Variants in BAG6 observed in about 807,000 individuals in gnomAD.
BAG6 encodes the protein BAG cochaperone 6.
A neutral mutation model predicts 121.0 loss-of-function variants in BAG6; 22 were observed. The ratio of observed to expected loss-of-function variants is 0.18; its 90% CI spans 0.13 to 0.26. The LOEUF is 0.26. BAG6 is among the 10% of genes least tolerant of loss of function. The probability of loss-of-function intolerance (pLI) is 1.00; values close to 1 mark genes in which losing one functional copy is unlikely to be tolerated. For missense variants in BAG6, 1,233 were observed against 1,537.7 expected (o/e 0.80, Z 3.31); for synonymous variants, 583 against 584.6 (o/e 1.00, Z 0.04).
chr6:31,643,987 G>A lies in BAG6; in HGVS notation c.1669-10C>T, dbSNP rs770884915. The A allele has an allele frequency of 6.2e-7, 1 of 1,614,052 alleles. No homozygotes were observed. Among genetic ancestry groups the A allele is most frequent in the Middle Eastern group, 1.6e-4 (1 of 6,062 alleles). ...CCAGACCGGCGCCCTGCTGGATAGA[G>A]AGCAAGGGAGAATTTCAGACCTGCC... On this transcript the variant is annotated splice_polypyrimidine_tract_variant and intron_variant, in intron 13 of 25. Coordinates refer to ENST00000676615, the MANE Select transcript of BAG6 (RefSeq NM_001387994.1).
At position 31,641,705 on chromosome 6, in the gene BAG6, G is replaced by A; in HGVS notation, c.2505+71C>T. The A allele has an allele frequency of 6.2e-7, 1 of 1,611,378 alleles. No individual in the cohort carries two copies. The highest frequency in any genetic ancestry group is 8.5e-7 in the Non-Finnish European group (1 of 1,177,716). On this transcript the variant is annotated intron_variant, in intron 17 of 25. Transcript: ENST00000676615. The surrounding 1 kb of genome is among the most constrained non-coding windows in gnomAD (Gnocchi z 5.7). ...GGGGCAATTGGAGCTTTACCTGGCA[G>A]AGAAGCAGTCAGAAATAAGGAATAA...
rs749706048 is a variant in BAG6 at position 31,645,466 on chromosome 6, G to T, written c.1057C>A (p.Arg353=). The part of the protein sequence containing the change: ...CTPPRHLHVV[R]PMSHYTTPMV... ...GGGGTGGTGTAGTGAGACATAGGCC[G>T]GACCACATGCAGGTGTCGTGGGGGC... Residue 353 remains arginine (R), a synonymous_variant, in exon 9 of 26, where the codon CGG becomes AGG. Coordinates refer to ENST00000676615, the MANE Select transcript of BAG6 (RefSeq NM_001387994.1). 6.2e-6 allele frequency: 10 copies of T among 1,613,060 alleles called. No individual in the cohort carries two copies. The highest frequency in any genetic ancestry group is 8.5e-6 in the Non-Finnish European group (10 of 1,180,030).
intron 15 of BAG6, 151 bp from the exon 16 acceptor site, chr6:31,642,554 G>C: frequency 4.8e-6 from 3 of 630,212 alleles, no homozygotes; most frequent in Non-Finnish European, 5.5e-6. Context: ...AAGTATGGTA[G>C]GTATTTAACA....
At chr6:31,649,778 TTAAAC>T (rs1794297748) in intron 2 of BAG6, 151 bp from the exon 3 acceptor site, 4 of 699,630 alleles carry the variant, frequency 5.7e-6, no homozygotes, top group Non-Finnish European at 9.8e-6. Flanking sequence ...GTGCAAACCC[TTAAAC>T]TAAAGTAACA....
intron 2 of BAG6, among the ~76,000 whole-genome samples, chr6:31,650,103 A>G (rs1407770588): frequency 6.6e-6 from 1 of 152,158 alleles, no homozygotes; most frequent in Non-Finnish European, 1.5e-5. Context: ...TCCATCTCAA[A>G]AAATTAAATA....
At chr6:31,642,786 C>CG in intron 15 of BAG6, 43 bp downstream of exon 15, 1 of 1,597,904 alleles carries the variant, frequency 6.3e-7, no homozygotes, top group Non-Finnish European at 8.5e-7. Context: ...CTGGCTGGGC[C>CG]GGGGGACAGG....
chr6:31,643,721 C>CAAAAAAAAAAAAAAAAAA (rs9281540), intron 14 of BAG6, among the ~76,000 whole-genome samples, 169 bp downstream of exon 14: 9 of 66,286 alleles, frequency 1.4e-4, no homozygotes, highest in African/African-American at 2.1e-4. Context: ...GACTCCATCT[C>CAAAAAAAAAAAAAAAAAA]AAAAAAAAAA....
chr6:31,652,262 C>CCGCG (rs1418362328), intron 1 of BAG6, 162 bp downstream of exon 1: 1 of 162,174 alleles, frequency 6.2e-6, no homozygotes, highest in Non-Finnish European at 1.4e-5. Context: ...AGCTGACTGC[C>CCGCG]CGCGTCTACT....
At chr6:31,650,840 A>C (rs1795800955) in intron 2 of BAG6, among the ~76,000 whole-genome samples, 1 of 152,184 alleles carries the variant, frequency 6.6e-6, no homozygotes. Context: ...TTTGTCTCCA[A>C]GTATTACAGG....
chr6:31,644,968 G>A lies in BAG6; in HGVS notation c.1347C>T (p.Val449=). The change falls in exon 10 of 26, where the codon GTC becomes GTT. Residue 449 remains valine, a synonymous_variant. Transcript: ENST00000676615. This position sits in a 1 kb window ranked among gnomAD's most constrained non-coding sequence, Gnocchi z 4.9. ...RISHQSVEPV[V]MMHMNIQDSG... Reference sequence around the variant, plus strand: ...CACCTTGAATGTTCATGTGCATCATGACCACGGGTTCCACACTCTGGTGGG... The same window carrying A: ...CACCTTGAATGTTCATGTGCATCATAACCACGGGTTCCACACTCTGGTGGG... The A allele has an allele frequency of 6.3e-7, 1 of 1,594,128 alleles. No homozygotes were observed. The highest frequency in any genetic ancestry group is 1.3e-5 in the African/African-American group (1 of 74,556).
rs9281540 is a variant in BAG6 at position 31,643,721 on chromosome 6, C to CAAAAAA, written c.1756+163_1756+168dup. 1.5e-3 allele frequency among the ~76,000 whole-genome samples: 102 copies of CAAAAAA among 66,264 alleles called. 10 individuals carry two copies. Among genetic ancestry groups the CAAAAAA allele is most frequent in the African/African-American group, 5.9e-3 (55 of 9,382 alleles). The allele number at this position is 66,264 out of a possible 152,430, so 43.5% of individuals were successfully genotyped here. A position where few individuals can be genotyped will look rare whatever the true frequency, so the allele number is the denominator to read the frequency against. On this transcript the variant is annotated intron_variant, in intron 14 of 25. Transcript: ENST00000676615. ...CTAGCAACAGAGTGAGACTCCATCTCAAAAAAAAAAAAAAAAAAAAAAAAA... is the reference window on the plus strand; with the variant it reads ...CTAGCAACAGAGTGAGACTCCATCTCAAAAAAAAAAAAAAAAAAAAAAAAAAAAAAA...
chr6:31,643,039 A>C lies in BAG6; in HGVS notation c.1833T>G (p.Ala611=). 6.3e-7 allele frequency: 1 copy of C among 1,588,980 alleles called. No homozygotes were observed. The highest frequency in any genetic ancestry group is 1.3e-5 in the African/African-American group (1 of 74,914). The part of the protein sequence containing the change: ...ASASAGTTNT[A]TTAGPAPGGP... ...CCCCAGGAGCGGGGCCAGCTGTGGT[A>C]GCTGTGTTGGTGGTGCCAGCACTGG... Residue 611 remains alanine (A), a synonymous_variant, in exon 15 of 26, where the codon GCT becomes GCG. Transcript: ENST00000676615.
In BAG6 at chr6:31,648,666, T is replaced by A; in HGVS notation, c.552+11A>T. The A allele has an allele frequency of 6.2e-7, 1 of 1,613,410 alleles. No individual in the cohort carries two copies. The highest frequency in any genetic ancestry group is 8.5e-7 in the Non-Finnish European group (1 of 1,179,814). Reference sequence around the variant, plus strand: ...GGTGGAGAGAGACCCTAGCCAGCCTTGCCCACTTACCTCCATCCGGGATAG... The same window carrying A: ...GGTGGAGAGAGACCCTAGCCAGCCTAGCCCACTTACCTCCATCCGGGATAG... On this transcript the variant is annotated intron_variant, in intron 6 of 25. Coordinates refer to ENST00000676615, the MANE Select transcript of BAG6 (RefSeq NM_001387994.1).
chr6:31,652,227 G>C, intron 1 of BAG6, 197 bp downstream of exon 1: 1 of 162,986 alleles, frequency 6.1e-6, no homozygotes, highest in Non-Finnish European at 1.4e-5. Context: ...ACCCGAAACG[G>C]CACTCACGGG....
At position 31,643,082 on chromosome 6, in the gene BAG6, G is replaced by A. The variant is rs777030827; in HGVS notation, c.1790C>T (p.Ala597Val). Residue 597 changes from alanine to valine, a missense_variant, in exon 15 of 26, where the codon GCC becomes GTC. Transcript: ENST00000676615. ...QGTPGMAPPP[A>V]PATASASAGT... ...AGCACTGGCAGAAGCAGTGGCAGGG[G>A]CTGGCGGTGGAGCCATACCTGGGGT... 1 of 1,583,766 alleles carries A rather than the reference G, an allele frequency of 6.3e-7. No homozygotes were observed. Among genetic ancestry groups the A allele is most frequent in the Non-Finnish European group, 8.6e-7 (1 of 1,168,974 alleles).
At chr6:31,643,381 T>C (rs2395047) in intron 14 of BAG6, among the ~76,000 whole-genome samples, 114,986 of 150,778 alleles carry the variant, frequency 0.76, 44,374 homozygotes, top group East Asian at 0.84. Context: ...GATTGCACCA[T>C]TGCACTCCAG....
At chr6:31,648,992 T>C (rs1183537690) in intron 4 of BAG6, 28 bp from the exon 5 acceptor site, 1 of 1,521,546 alleles carries the variant, frequency 6.6e-7, no homozygotes, top group Admixed American at 2.3e-5. Flanking sequence ...GAAGTTGTTC[T>C]GGGAGAAGCC....
Position 31,641,023 on chromosome 6 carries a change from T to G in BAG6, c.2787+81A>C. The G allele has an allele frequency of 1.3e-6, 2 of 1,598,130 alleles. No individual in the cohort carries two copies. Among genetic ancestry groups the G allele is most frequent in the Non-Finnish European group, 1.7e-6 (2 of 1,172,142 alleles). On this transcript the variant is annotated intron_variant, in intron 20 of 25. Coordinates refer to ENST00000676615, the MANE Select transcript of BAG6 (RefSeq NM_001387994.1). The surrounding 1 kb of genome is among the most constrained non-coding windows in gnomAD (Gnocchi z 5.7). ...AGATCCAGGTTACAGAATGTCAGTT[T>G]AGAAAAGAAAAATGAAAACTGCAGA...
chr6:31,640,244 A>T lies in BAG6; in HGVS notation c.3201T>A (p.Pro1067=). 1 of 1,614,168 alleles carries T rather than the reference A, an allele frequency of 6.2e-7. No individual in the cohort carries two copies. The highest frequency in any genetic ancestry group is 8.5e-7 in the Non-Finnish European group (1 of 1,180,026). The part of the protein sequence containing the change: ...QSQRKVKPQP[P]LSDAYLSGMP... Reference sequence around the variant, plus strand: ...TACCACTGAGGTAGGCATCACTCAGAGGGGGCTGCGGTTTCACCTTCCGCT... The same window carrying T: ...TACCACTGAGGTAGGCATCACTCAGTGGGGGCTGCGGTTTCACCTTCCGCT... Residue 1067 remains proline, a synonymous_variant, in exon 24 of 26, where the codon CCT becomes CCA. Transcript: ENST00000676615. This position sits in a 1 kb window ranked among gnomAD's most constrained non-coding sequence, Gnocchi z 4.2.
Sources: allele counts gnomAD v4.1 joint callset (sites outside exome capture counted in the v4.1 genomes callset), GRCh38; gene constraint gnomAD v4.1.1; non-coding constraint Gnocchi (gnomAD v3.1); transcripts MANE v1.5; gene names NCBI Gene and HGNC (gene_info 2026-07-23, HGNC 2026-07-21).